The following ORC5 variants were observed in gnomAD, a reference collection of about 807,000 sequenced individuals.
ORC5 encodes the protein origin recognition complex subunit 5, also known as protein phosphatase 1, regulatory subunit 117.
In ORC5, 39 loss-of-function variants were observed where a neutral mutation model predicts 58.8. The observed-to-expected ratio is 0.66, with a 90% CI of 0.51 to 0.87. The LOEUF (loss-of-function observed/expected upper bound fraction) is 0.87, where lower values mean the gene tolerates loss of function less well. Ranked by LOEUF, ORC5 falls within the 40% of genes least tolerant of loss-of-function variation. ORC5 has a pLI of 0.00. For missense variants in ORC5, 493 were observed against 506.3 expected (o/e 0.97, Z 0.25); for synonymous variants, 218 against 177.6 (o/e 1.23, Z -1.81).
intron 6 of ORC5, among the ~76,000 whole-genome samples, chr7:104,186,496 TGTTA>T (rs1799546580): frequency 6.6e-6 from 1 of 152,144 alleles, no homozygotes; most frequent in Non-Finnish European, 1.5e-5. Flanking sequence ...TCATAAGGTT[TGTTA>T]GAGAAAACAA....
chr7:104,203,095 A>G (rs1429750111), intron 2 of ORC5, among the ~76,000 whole-genome samples: 5 of 152,242 alleles, frequency 3.3e-5, no homozygotes, highest in Non-Finnish European at 5.9e-5. Context: ...AGCATTTGCC[A>G]AGCAACAGGA....
At chr7:104,137,087 C>CA (rs1419289625) in intron 12 of ORC5, among the ~76,000 whole-genome samples, 194 bp from the exon 13 acceptor site, 1 of 151,026 alleles carries the variant, frequency 6.6e-6, no homozygotes, top group Non-Finnish European at 1.5e-5. Context: ...GACTAGTTGT[C>CA]AGAGTCCTAG....
intron 6 of ORC5, among the ~76,000 whole-genome samples, chr7:104,186,498 T>C (rs988535837): frequency 2.6e-5 from 4 of 152,154 alleles, no homozygotes; most frequent in African/African-American, 7.2e-5. Context: ...ATAAGGTTTG[T>C]TAGAGAAAAC....
intron 13 of ORC5, among the ~76,000 whole-genome samples, chr7:104,135,976 T>A (rs534415044): frequency 1.3e-5 from 2 of 152,200 alleles, no homozygotes; most frequent in African/African-American, 4.8e-5. Context: ...TGCAACCGTA[T>A]GATGAAGTCA....
chr7:104,178,233 T>A (rs1337206845), intron 8 of ORC5, among the ~76,000 whole-genome samples: 1 of 152,202 alleles, frequency 6.6e-6, no homozygotes. Flanking sequence ...CCAGCATCGT[T>A]TCCTGACTTT....
chr7:104,172,949 A>G (rs547835534), intron 8 of ORC5, among the ~76,000 whole-genome samples: 3 of 151,798 alleles, frequency 2.0e-5, no homozygotes, highest in Non-Finnish European at 4.4e-5. Context: ...AATATGGCAA[A>G]GCTAGTACTG....
intron 4 of ORC5, among the ~76,000 whole-genome samples, chr7:104,197,463 C>G (rs1287041768): frequency 6.6e-6 from 1 of 152,098 alleles, no homozygotes; most frequent in Admixed American, 6.5e-5. Context: ...GCCATTTATT[C>G]TAGCAACATC....
At chr7:104,141,380 G>T (rs1241377755) in intron 12 of ORC5, among the ~76,000 whole-genome samples, 3 of 152,120 alleles carry the variant, frequency 2.0e-5, no homozygotes, top group Non-Finnish European at 4.4e-5. Context: ...GGCCCATTCA[G>T]ATTCCACACT....
At position 104,138,459 on chromosome 7, in the gene ORC5, A is replaced by G. The variant is rs17159356; in HGVS notation, c.1150-1566T>C. Reference sequence around the variant, plus strand: ...TGGTTAGATGAGAGATAAGAAATACATCCTTCAGACCTGGGCTTAGTCTTG... The same window carrying G: ...TGGTTAGATGAGAGATAAGAAATACGTCCTTCAGACCTGGGCTTAGTCTTG... On this transcript the variant is annotated intron_variant, in intron 12 of 13. Coordinates refer to ENST00000297431, the MANE Select transcript of ORC5 (RefSeq NM_002553.4). The surrounding 1 kb of genome is among the most constrained non-coding windows in gnomAD (Gnocchi z 4.7). Among the ~76,000 whole-genome samples, 3,290 of 152,008 alleles carry G rather than the reference A, an allele frequency of 0.022. 79 individuals are homozygous for G. The highest frequency in any genetic ancestry group is 0.12 in the South Asian group (602 of 4,816).
rs1798597472 is a variant in ORC5 at position 104,136,909 on chromosome 7, T to C, written c.1150-16A>G. On this transcript the variant is annotated splice_polypyrimidine_tract_variant and intron_variant, in intron 12 of 13. Transcript: ENST00000297431. This position sits in a 1 kb window ranked among gnomAD's most constrained non-coding sequence, Gnocchi z 4.2. ...GAGAGGTAATCTAAAAGAGAACATT[T>C]TTATAAGAAACTGTTTTAATAAGAT... is the stretch of plus-strand genomic sequence containing the variant. 1 of 1,526,516 alleles carries C rather than the reference T, an allele frequency of 6.6e-7. No individual in the cohort carries two copies. The highest frequency in any genetic ancestry group is 1.4e-5 in the African/African-American group (1 of 73,108). 94.6% of individuals were successfully genotyped at this position (1,526,516 alleles called of 1,614,324 possible).
chr7:104,142,798 T>C (rs1456873877), intron 12 of ORC5, among the ~76,000 whole-genome samples: 2 of 152,162 alleles, frequency 1.3e-5, no homozygotes, highest in African/African-American at 4.8e-5. Flanking sequence ...TCGTATCTCT[T>C]AAAAGATTAA....
intron 6 of ORC5, among the ~76,000 whole-genome samples, chr7:104,187,302 A>G (rs1799568344): frequency 1.3e-5 from 2 of 152,212 alleles, no homozygotes. Flanking sequence ...CCCAGCTGAG[A>G]AGATGTCTGA....
intron 2 of ORC5, 40 bp downstream of exon 2, chr7:104,204,102 C>G: frequency 8.5e-7 from 1 of 1,173,334 alleles, no homozygotes; most frequent in South Asian, 1.4e-5. Context: ...ATATTATACA[C>G]TAAAAATGGC....
At chr7:104,160,567 A>G (rs1273257123) in intron 12 of ORC5, among the ~76,000 whole-genome samples, 1 of 152,000 alleles carries the variant, frequency 6.6e-6, no homozygotes, top group Non-Finnish European at 1.5e-5. Context: ...TTTTTTTTAA[A>G]GTCATATTTT....
intron 13 of ORC5, among the ~76,000 whole-genome samples, chr7:104,128,167 G>A (rs909148951): frequency 1.3e-5 from 2 of 152,182 alleles, no homozygotes; most frequent in African/African-American, 4.8e-5. Context: ...CTGTCGCCCA[G>A]GCTGGAGTGC....
chr7:104,174,468 A>G (rs985907235), intron 8 of ORC5, among the ~76,000 whole-genome samples: 3 of 152,158 alleles, frequency 2.0e-5, no homozygotes, highest in Admixed American at 6.5e-5. Context: ...CCAGCCAGCT[A>G]TATTATGGAC....
chr7:104,204,056 T>C, intron 2 of ORC5, 86 bp downstream of exon 2: 1 of 636,016 alleles, frequency 1.6e-6, no homozygotes, highest in Non-Finnish European at 2.7e-6. Context: ...GTATGTTCAA[T>C]TTTGCATTTG....
chr7:104,193,595 G>A (rs1308049290), intron 5 of ORC5, among the ~76,000 whole-genome samples: 2 of 151,702 alleles, frequency 1.3e-5, no homozygotes, highest in Non-Finnish European at 2.9e-5. Context: ...AAGTTATTAC[G>A]ACAAGGTAAC....
At chr7:104,186,844 A>G (rs182832008) in intron 6 of ORC5, among the ~76,000 whole-genome samples, 79 of 152,318 alleles carry the variant, frequency 5.2e-4, no homozygotes, top group Non-Finnish European at 9.4e-4. Flanking sequence ...GTAGTATAAG[A>G]CTTAAACCAT....
Sources: allele counts gnomAD v4.1 joint callset (sites outside exome capture counted in the v4.1 genomes callset), GRCh38; gene constraint gnomAD v4.1.1; non-coding constraint Gnocchi (gnomAD v3.1); transcripts MANE v1.5; gene names NCBI Gene and HGNC (gene_info 2026-07-23, HGNC 2026-07-21).